FMN1: variants seen among roughly 807,000 people sequenced by gnomAD.
FMN1 encodes formin-1.
Under a neutral mutation model 132.4 loss-of-function variants are expected in FMN1, and 110 were observed. The observed-to-expected ratio is 0.83, with a 90% CI of 0.71 to 0.97. The LOEUF (loss-of-function observed/expected upper bound fraction) is 0.97. FMN1 is among the 50% of genes least tolerant of loss of function. FMN1 has a pLI of 0.00. For synonymous variants in FMN1, 722 were observed against 651.7 expected (o/e 1.11, Z -1.64); for missense variants, 1,792 against 1,705.3 (o/e 1.05, Z -0.90).
intron 6 of FMN1, among the ~76,000 whole-genome samples, chr15:33,053,309 GC>G (rs1193646778): frequency 6.6e-6 from 1 of 152,148 alleles, no homozygotes; most frequent in Non-Finnish European, 1.5e-5. Flanking sequence ...AGGCACCCCT[GC>G]CTGGGCATTG....
At chr15:32,978,561 T>G (rs1348731049) in intron 7 of FMN1, among the ~76,000 whole-genome samples, 1 of 152,164 alleles carries the variant, frequency 6.6e-6, no homozygotes, top group Non-Finnish European at 1.5e-5. Context: ...AGAGAGAACT[T>G]GCAATTTTAT....
chr15:32,906,305 G>A (rs1037949024), intron 12 of FMN1, among the ~76,000 whole-genome samples: 1 of 152,130 alleles, frequency 6.6e-6, no homozygotes, highest in Non-Finnish European at 1.5e-5. Context: ...CGATGTTTAC[G>A]TTTCTAAATT....
chr15:33,127,626 A>G (rs1271611091), intron 4 of FMN1, among the ~76,000 whole-genome samples: 1 of 139,460 alleles, frequency 7.2e-6, no homozygotes, highest in Non-Finnish European at 1.6e-5. Context: ...AAACACAAGT[A>G]TTTTCCAATC....
intron 6 of FMN1, among the ~76,000 whole-genome samples, chr15:33,022,487 T>C (rs2035462331): frequency 6.6e-6 from 1 of 152,228 alleles, no homozygotes; most frequent in South Asian, 2.1e-4. Flanking sequence ...AATCTGATGT[T>C]ACTAAAAAAG....
At chr15:32,997,375 T>A (rs1404711292) in intron 7 of FMN1, among the ~76,000 whole-genome samples, 1 of 151,642 alleles carries the variant, frequency 6.6e-6, no homozygotes, top group African/African-American at 2.4e-5. Flanking sequence ...CCTTTATTCC[T>A]ACCTTGTACA....
intron 17 of FMN1, among the ~76,000 whole-genome samples, chr15:32,834,105 A>G (rs1030988564): frequency 6.6e-6 from 1 of 152,204 alleles, no homozygotes; most frequent in African/African-American, 2.4e-5. Flanking sequence ...GCTGGACCCT[A>G]GCATGCCTGT....
intron 4 of FMN1, among the ~76,000 whole-genome samples, chr15:33,091,836 A>C (rs985522937): frequency 6.6e-6 from 1 of 152,248 alleles, no homozygotes. Context: ...AAATTAGATA[A>C]ATATATTCTG....
chr15:32,987,079 T>C (rs1427760498), intron 7 of FMN1, among the ~76,000 whole-genome samples: 2 of 152,154 alleles, frequency 1.3e-5, no homozygotes, highest in Non-Finnish European at 2.9e-5. Context: ...CAGGCAATTT[T>C]TCTATTTTAA....
intron 4 of FMN1, among the ~76,000 whole-genome samples, chr15:33,123,398 A>C (rs1483685981): frequency 6.6e-6 from 1 of 152,138 alleles, no homozygotes; most frequent in Non-Finnish European, 1.5e-5. Context: ...TAGTATACAG[A>C]CTTGGTTCAA....
chr15:32,812,451 G>C (rs2057914080), intron 17 of FMN1, among the ~76,000 whole-genome samples: 1 of 152,258 alleles, frequency 6.6e-6, no homozygotes, highest in African/African-American at 2.4e-5. Context: ...CATTGGGGAT[G>C]GGACCCAAGT....
At chr15:33,058,580 T>G (rs572655816) in intron 6 of FMN1, among the ~76,000 whole-genome samples, 1 of 152,210 alleles carries the variant, frequency 6.6e-6, no homozygotes, top group Non-Finnish European at 1.5e-5. Flanking sequence ...TTATGCTTCA[T>G]AGCGTAAAAA....
chr15:33,052,417 A>T (rs965219988), intron 6 of FMN1, among the ~76,000 whole-genome samples: 1 of 152,242 alleles, frequency 6.6e-6, no homozygotes, highest in Non-Finnish European at 1.5e-5. Context: ...ATACACGTGC[A>T]TGGAATCAAA....
chr15:32,901,102 C>A (rs918892993), intron 13 of FMN1, among the ~76,000 whole-genome samples: 1 of 151,798 alleles, frequency 6.6e-6, no homozygotes, highest in East Asian at 1.9e-4. Context: ...TGCAATGAGC[C>A]GAGATCACGC....
chr15:32,828,684 T>C (rs1323391149), intron 17 of FMN1, among the ~76,000 whole-genome samples: 1 of 152,218 alleles, frequency 6.6e-6, no homozygotes, highest in Non-Finnish European at 1.5e-5. Flanking sequence ...GTTAAAATAT[T>C]GTCACGACTC....
Position 32,771,473 on chromosome 15 carries a change from TGTCA to T in FMN1, c.*2833_*2836del, listed in dbSNP as rs1222299823. 8 of 152,258 alleles carry T rather than the reference TGTCA, an allele frequency of 5.3e-5. No individual in the cohort carries two copies. The highest frequency in any genetic ancestry group is 1.9e-4 in the African/African-American group (8 of 41,472). 9.4% of individuals were successfully genotyped at this position (152,258 alleles called of 1,614,324 possible). On this transcript the variant is annotated 3_prime_UTR_variant, in exon 21 of 21. Coordinates refer to ENST00000616417, the MANE Select transcript of FMN1 (RefSeq NM_001277313.2). ...CTTATGATATTGTGTGCTCTGATGCTGTCAATTGCTCATGCAAGAATCTGAACTA... is the reference window on the plus strand; with the variant it reads ...CTTATGATATTGTGTGCTCTGATGCTATTGCTCATGCAAGAATCTGAACTA...
At chr15:33,151,634 C>G (rs577327973) in intron 4 of FMN1, among the ~76,000 whole-genome samples, 5 of 152,188 alleles carry the variant, frequency 3.3e-5, no homozygotes, top group African/African-American at 1.2e-4. Context: ...ATTTAATGCA[C>G]AGTTTCTGCA....
Position 32,968,809 on chromosome 15 carries a change from G to A in FMN1, c.2892C>T (p.Gly964=), listed in dbSNP as rs1429382714. The A allele has an allele frequency of 1.2e-6, 2 of 1,603,778 alleles. No individual in the cohort carries two copies. The highest frequency in any genetic ancestry group is 1.1e-5 in the South Asian group (1 of 90,742). Residue 964 remains glycine, a synonymous_variant, in exon 8 of 21, where the codon GGC becomes GGT. Transcript: ENST00000616417. Reference sequence around the variant, plus strand: ...TTCGAGGACATTGACTGGAAGAAGAGCCAAGTCCAAAGAAGAGTCCAGGGG... The same window carrying A: ...TTCGAGGACATTGACTGGAAGAAGAACCAAGTCCAAAGAAGAGTCCAGGGG... ...PPPPGLFFGL[G]SSSSQCPRKP...
At chr15:32,998,407 G>A (rs886814748) in intron 7 of FMN1, among the ~76,000 whole-genome samples, 1 of 152,158 alleles carries the variant, frequency 6.6e-6, no homozygotes, top group African/African-American at 2.4e-5. Flanking sequence ...CAGATGCAGG[G>A]GCCCACTCTT....
chr15:33,148,629 AGAGG>A (rs1249657610), intron 4 of FMN1, among the ~76,000 whole-genome samples: 1 of 152,200 alleles, frequency 6.6e-6, no homozygotes, highest in Non-Finnish European at 1.5e-5. Context: ...TGTTCCTGAC[AGAGG>A]GTCCCCTCCA....
Sources: gnomAD v4.1 joint callset for allele counts (sites outside exome capture counted in the v4.1 genomes callset) on GRCh38, gnomAD v4.1.1 for gene constraint, MANE v1.5 for transcripts, NCBI Gene and HGNC (gene_info 2026-07-23, HGNC 2026-07-21) for gene names.